Variants in LAMB1 observed in about 807,000 individuals in gnomAD.
The protein encoded by LAMB1 is laminin subunit beta 1, also known as laminin subunit beta-1.
Under a neutral mutation model 222.3 loss-of-function variants are expected in LAMB1, and 121 were observed. The observed-to-expected ratio is 0.54, with a 90% CI of 0.47 to 0.63. The LOEUF (loss-of-function observed/expected upper bound fraction) is 0.63, where lower values mean the gene tolerates loss of function less well. LAMB1 is among the 30% of genes least tolerant of loss of function. The pLI is 0.00. For missense variants in LAMB1, 2,172 were observed against 2,240.8 expected, an observed-to-expected ratio of 0.97 and a Z score of 0.62; for synonymous variants, 794 against 807.2, an observed-to-expected ratio of 0.98 and a Z score of 0.28.
At chr7:107,982,422 A>T (rs1178574252) in intron 7 of LAMB1, among the ~76,000 whole-genome samples, 1 of 152,226 alleles carries the variant, frequency 6.6e-6, no homozygotes, top group Non-Finnish European at 1.5e-5. Flanking sequence ...GCTTACAATG[A>T]AGCTATAGAA....
At chr7:107,950,687 G>A (rs1454105361) in intron 24 of LAMB1, among the ~76,000 whole-genome samples, 1 of 152,166 alleles carries the variant, frequency 6.6e-6, no homozygotes, top group African/African-American at 2.4e-5. Context: ...GTTTTCACTG[G>A]TGGGGATGTT....
chr7:107,986,118 T>C (rs1366037398), intron 6 of LAMB1, 33 bp from the exon 7 acceptor site: 10 of 1,610,266 alleles, frequency 6.2e-6, no homozygotes, highest in African/African-American at 1.3e-5. Flanking sequence ...TTGGTACTTC[T>C]GCAATAATCA....
chr7:107,973,156 C>G, intron 12 of LAMB1, 85 bp from the exon 13 acceptor site: 1 of 1,100,532 alleles, frequency 9.1e-7, no homozygotes, highest in Non-Finnish European at 1.4e-6. Context: ...AAGCTTGTTT[C>G]GGCTGTTCCA....
In LAMB1 at chr7:107,961,270, A is replaced by C; in HGVS notation, c.2045T>G (p.Leu682Trp). The change falls in exon 17 of 34, where the codon TTG (leucine) becomes TGG (tryptophan). Residue 682 changes from leucine (L) to tryptophan (W), a missense_variant. Leu to Trp is a moderately conservative substitution (Grantham distance 61). Transcript: ENST00000222399. ...AGAGGAGGTGTACTGAGGCAGCTCC[A>C]ACCTCACCGTGTAGTTTGTTCCCTT... ...FEKGTNYTVR[L>W]ELPQYTSSDS... The C allele has an allele frequency of 6.2e-7, 1 of 1,614,088 alleles. No homozygotes were observed. Among genetic ancestry groups the C allele is most frequent in the South Asian group, 1.1e-5 (1 of 91,074 alleles).
intron 5 of LAMB1, among the ~76,000 whole-genome samples, chr7:107,990,534 A>T (rs1359439687): frequency 6.6e-6 from 1 of 151,248 alleles, no homozygotes; most frequent in Non-Finnish European, 1.5e-5. Flanking sequence ...TAGTTATTTC[A>T]CTTGACTAAC....
In LAMB1 at chr7:107,923,950, G is replaced by A. The variant is rs573998500; in HGVS notation, c.*1C>T. ...CCTCAGCCATTTTTTATTCTCCTCT[G>A]TTACAAGCATGTGCTATACACAGCA... On this transcript the variant is annotated 3_prime_UTR_variant, in exon 34 of 34. Transcript: ENST00000222399. 6.2e-7 allele frequency: 1 copy of A among 1,604,690 alleles called. No homozygotes were observed. The highest frequency in any genetic ancestry group is 8.5e-7 in the Non-Finnish European group (1 of 1,177,334).
At chr7:107,944,335 G>T (rs740287) in intron 24 of LAMB1, among the ~76,000 whole-genome samples, 84,377 of 151,930 alleles carry the variant, frequency 0.56, 23,808 homozygotes, top group East Asian at 0.84. Context: ...GGCAGATAAG[G>T]CTTCCCTCTT....
At chr7:107,940,435 C>G (rs541300432) in intron 24 of LAMB1, 77 bp from the exon 25 acceptor site, 3 of 1,447,980 alleles carry the variant, frequency 2.1e-6, no homozygotes, top group East Asian at 4.7e-5. Flanking sequence ...TTAGAATACT[C>G]ACTTCACTGT....
chr7:107,937,847 A>G (rs181385835), intron 25 of LAMB1, among the ~76,000 whole-genome samples: 2 of 152,196 alleles, frequency 1.3e-5, no homozygotes, highest in Admixed American at 1.3e-4. Flanking sequence ...TTTATTTTTT[A>G]TAAGAAAATA....
chr7:107,991,081 A>AT (rs921901050), intron 5 of LAMB1, among the ~76,000 whole-genome samples: 4 of 151,860 alleles, frequency 2.6e-5, no homozygotes, highest in Non-Finnish European at 2.9e-5. Flanking sequence ...TTTGGTATTA[A>AT]TTTTTTTTAA....
intron 24 of LAMB1, among the ~76,000 whole-genome samples, chr7:107,945,852 C>G (rs2033103968): frequency 6.6e-6 from 1 of 152,192 alleles, no homozygotes; most frequent in African/African-American, 2.4e-5. Flanking sequence ...TTCTGCAAAC[C>G]CTTCCCTAAT....
chr7:107,963,387 T>C (rs886921988), intron 14 of LAMB1, among the ~76,000 whole-genome samples: 1 of 152,152 alleles, frequency 6.6e-6, no homozygotes, highest in Non-Finnish European at 1.5e-5. Flanking sequence ...TATAAGCAAG[T>C]CTAGGAATCA....
chr7:108,002,720 G>C, intron 2 of LAMB1, 129 bp downstream of exon 2: 1 of 1,307,308 alleles, frequency 7.6e-7, no homozygotes, highest in Non-Finnish European at 1.1e-6. Flanking sequence ...TTTAATCCCA[G>C]GGGCGTCATT....
At chr7:107,939,515 C>A (rs185989823) in intron 25 of LAMB1, among the ~76,000 whole-genome samples, 95 of 152,266 alleles carry the variant, frequency 6.2e-4, no homozygotes, top group African/African-American at 2.1e-3. Flanking sequence ...TTATAATTTT[C>A]TGCAATCCTG....
chr7:107,958,444 G>C (rs2033422657), intron 20 of LAMB1, among the ~76,000 whole-genome samples: 1 of 152,192 alleles, frequency 6.6e-6, no homozygotes. Context: ...CACCTGATGA[G>C]TAACTTCACC....
chr7:107,942,882 A>C (rs575367513), intron 24 of LAMB1: 58 of 152,322 alleles, frequency 3.8e-4, no homozygotes, highest in African/African-American at 1.3e-3. Context: ...ATTATTCAAA[A>C]ATTTGAAGTT....
chr7:107,933,297 T>G (rs563666285), intron 27 of LAMB1, among the ~76,000 whole-genome samples: 29 of 152,272 alleles, frequency 1.9e-4, no homozygotes, highest in African/African-American at 6.5e-4. Context: ...GAAAAGGAGT[T>G]AACAGAATAT....
In LAMB1 at chr7:107,961,222, T is replaced by C; in HGVS notation, c.2093A>G (p.Tyr698Cys). The change falls in exon 17 of 34, where the codon TAC becomes TGC. Residue 698 changes from tyrosine to cysteine, a missense_variant. By Grantham distance (194) the Tyr-to-Cys change is radical. Transcript: ENST00000222399. ...CGCACTTACAGAATCGATCAGCGTG[T>C]AGGGGCTCTCCACGTCGCTATCAGA... is the stretch of plus-strand genomic sequence containing the variant. ...TSSDSDVESPYTLIDSLVLMP... is the reference protein window; with the variant it reads ...TSSDSDVESPCTLIDSLVLMP... 4 of 1,614,100 alleles carry C rather than the reference T, an allele frequency of 2.5e-6. No homozygotes were observed. Among genetic ancestry groups the C allele is most frequent in the Non-Finnish European group, 3.4e-6 (4 of 1,180,022 alleles).
intron 32 of LAMB1, among the ~76,000 whole-genome samples, chr7:107,924,834 G>A (rs2032522657): frequency 6.6e-6 from 1 of 152,154 alleles, no homozygotes; most frequent in African/African-American, 2.4e-5. Context: ...AAAGATACAG[G>A]AAGGAAAGGT....
Sources: gnomAD v4.1 joint callset for allele counts (sites outside exome capture counted in the v4.1 genomes callset) on GRCh38, gnomAD v4.1.1 for gene constraint, MANE v1.5 for transcripts, NCBI Gene and HGNC (gene_info 2026-07-23, HGNC 2026-07-21) for gene names.